Variants in PTPN9 observed in about 807,000 individuals in gnomAD.
PTPN9 encodes protein tyrosine phosphatase non-receptor type 9.
PTPN9 carries 26 observed loss-of-function variants against 69.8 expected under a neutral mutation model. That is an observed-to-expected ratio of 0.37 (90% CI 0.27 to 0.52). PTPN9 has a LOEUF of 0.52. Ranked by LOEUF, PTPN9 falls within the 20% of genes least tolerant of loss-of-function variation. The pLI, the probability that PTPN9 is intolerant of heterozygous loss-of-function variation, is 0.91. For synonymous variants in PTPN9, 274 were observed against 272.5 expected (o/e 1.01, Z -0.05); for missense variants, 549 against 740.3 (o/e 0.74, Z 3.00).
chr15:75,470,957 A>G, intron 10 of PTPN9, 127 bp from the exon 11 acceptor site: 1 of 1,145,320 alleles, frequency 8.7e-7, no homozygotes, highest in East Asian at 2.4e-5. Flanking sequence ...AACTTACACC[A>G]TTGATTCTCA....
Position 75,524,227 on chromosome 15 carries a change from A to C in PTPN9, c.279T>G (p.Ser93Arg). 1 of 1,609,610 alleles carries C rather than the reference A, an allele frequency of 6.2e-7. No individual in the cohort carries two copies. Among genetic ancestry groups the C allele is most frequent in the African/African-American group, 1.3e-5 (1 of 74,886 alleles). Reference sequence around the variant, plus strand: ...CACTCACTAAGATGGTGAATTTTCCACTGAGGATCTCAGAACGAAGAGGTT... The same window carrying C: ...CACTCACTAAGATGGTGAATTTTCCCCTGAGGATCTCAGAACGAAGAGGTT... ...HEEPLRSEIL[S>R]GKFTILNVRD... The change falls in exon 3 of 13, where the codon AGT (serine) becomes AGG (arginine). Residue 93 changes from serine (S) to arginine (R), a missense_variant. Around this residue, in one of 3 missense-constraint regions of PTPN9, gnomAD observed 457 missense variants for 661.9 expected, o/e 0.69. Coordinates refer to ENST00000618819, the MANE Select transcript of PTPN9 (RefSeq NM_002833.4).
chr15:75,577,904 T>C (rs2075181038), intron 1 of PTPN9, among the ~76,000 whole-genome samples: 1 of 152,160 alleles, frequency 6.6e-6, no homozygotes, highest in Non-Finnish European at 1.5e-5. Context: ...GACCTTCCCA[T>C]CTTCCTCAGG....
At chr15:75,530,004 C>G (rs2141323726) in intron 1 of PTPN9, among the ~76,000 whole-genome samples, 1 of 151,722 alleles carries the variant, frequency 6.6e-6, no homozygotes, top group Non-Finnish European at 1.5e-5. Flanking sequence ...GAGCTCGAGA[C>G]CAGCCTGGCC....
chr15:75,558,131 C>T (rs1361337185), intron 1 of PTPN9, among the ~76,000 whole-genome samples: 1 of 152,184 alleles, frequency 6.6e-6, no homozygotes, highest in South Asian at 2.1e-4. Context: ...AAATCAAGAC[C>T]ATCCTGGCCA....
intron 10 of PTPN9, among the ~76,000 whole-genome samples, chr15:75,471,562 C>T (rs2074565364): frequency 7.0e-6 from 1 of 143,036 alleles, no homozygotes; most frequent in African/African-American, 2.7e-5. Context: ...GAGATGGCAC[C>T]ACTGCACTCC....
intron 1 of PTPN9, among the ~76,000 whole-genome samples, chr15:75,537,351 C>CAA (rs1314961729): frequency 1.3e-4 from 4 of 29,818 alleles, no homozygotes; most frequent in Admixed American, 3.9e-4. Flanking sequence ...GACTCCGTCT[C>CAA]AAAAAAAAAA....
chr15:75,577,690 T>C (rs1407196981), intron 1 of PTPN9, among the ~76,000 whole-genome samples: 1 of 152,266 alleles, frequency 6.6e-6, no homozygotes, highest in Non-Finnish European at 1.5e-5. Context: ...CTAGCAAATG[T>C]GGTCCTTGGA....
At chr15:75,520,470 A>G (rs2074897254) in intron 4 of PTPN9, among the ~76,000 whole-genome samples, 1 of 141,314 alleles carries the variant, frequency 7.1e-6, no homozygotes, top group South Asian at 2.5e-4. Context: ...AGATAGATAG[A>G]TAGATAGATA....
At position 75,473,919 on chromosome 15, in the gene PTPN9, C is replaced by T. The variant is rs576496151; in HGVS notation, c.1130-152G>A. 1,468 of 626,214 alleles carry T rather than the reference C, an allele frequency of 2.3e-3. 7 individuals carry two copies. The highest frequency in any genetic ancestry group is 4.2e-3 in the Admixed American group (150 of 35,328). The allele number at this position is 626,214 out of a possible 1,614,324, so 38.8% of individuals were successfully genotyped here. A position where few individuals can be genotyped will look rare whatever the true frequency, so the allele number is the denominator to read the frequency against. ...CACATCCCTGCTATTCAGTATAGTC[C>T]GTGGACCAATCACACCAGCATCGTA... On this transcript the variant is annotated intron_variant, in intron 9 of 12. Coordinates refer to ENST00000618819, the MANE Select transcript of PTPN9 (RefSeq NM_002833.4).
At chr15:75,530,415 T>A (rs1363151980) in intron 1 of PTPN9, among the ~76,000 whole-genome samples, 1 of 107,740 alleles carries the variant, frequency 9.3e-6, no homozygotes, top group Non-Finnish European at 1.7e-5. Flanking sequence ...ATTATATTAT[T>A]ATATATTATA....
At chr15:75,573,836 T>G (rs1595974205) in intron 1 of PTPN9, among the ~76,000 whole-genome samples, 1 of 152,228 alleles carries the variant, frequency 6.6e-6, no homozygotes, top group Non-Finnish European at 1.5e-5. Flanking sequence ...GTGATGTGAA[T>G]GACAGGTAAA....
rs200988084 is a variant in PTPN9, at chr15:75,567,995, C to CAA, written c.63+10717_63+10718dup. Among the ~76,000 whole-genome samples the CAA allele has an allele frequency of 1.5e-3, 146 of 96,018 alleles. 1 individual carries two copies. The highest frequency in any genetic ancestry group is 1.5e-3 in the Non-Finnish European group (75 of 49,336). The allele number at this position is 96,018 out of a possible 152,430, so 63.0% of individuals were successfully genotyped here. A position where few individuals can be genotyped will look rare whatever the true frequency, so the allele number is the denominator to read the frequency against. The stretch of plus-strand genomic sequence containing the variant: ...TGGGCGACACAGCGAGACTCCGTCT[C>CAA]AAAAAAAAAAAAAAAGAAAACAAAA... On this transcript the variant is annotated intron_variant, in intron 1 of 12. Transcript: ENST00000618819.
intron 6 of PTPN9, 116 bp downstream of exon 6, chr15:75,508,801 A>T: frequency 1.4e-6 from 1 of 710,156 alleles, no homozygotes; most frequent in East Asian, 2.7e-5. Context: ...GCACTAACAG[A>T]AGCAGAACAG....
At position 75,517,270 on chromosome 15, in the gene PTPN9, T is replaced by G. The variant is rs1474062695; in HGVS notation, c.517A>C (p.Asn173His). Residue 173 changes from asparagine (N) to histidine (H), a missense_variant, in exon 5 of 13, where the codon AAC (asparagine) becomes CAC (histidine). Asn to His is a moderately conservative substitution (Grantham distance 68). Transcript: ENST00000618819. ...CTCCATAGCCTTACCTTCAGCAGGT[T>G]TAGGACTTTCTTGCCAAGATCCAGC... ...FELDLGKKVL[N>H]LLKGAFPARL... 1 of 1,612,890 alleles carries G rather than the reference T, an allele frequency of 6.2e-7. No individual in the cohort carries two copies.
chr15:75,471,159 G>A (rs1276418292), intron 10 of PTPN9, among the ~76,000 whole-genome samples: 1 of 152,144 alleles, frequency 6.6e-6, no homozygotes, highest in Non-Finnish European at 1.5e-5. Context: ...ATAGTAGCTG[G>A]GTATAGTGGT....
chr15:75,493,613 A>C (rs2074723261), intron 7 of PTPN9, among the ~76,000 whole-genome samples: 1 of 152,014 alleles, frequency 6.6e-6, no homozygotes, highest in Non-Finnish European at 1.5e-5. Context: ...TACAAAAATC[A>C]GCAGGGCATG....
At chr15:75,556,444 C>T (rs1240422559) in intron 1 of PTPN9, among the ~76,000 whole-genome samples, 1 of 151,842 alleles carries the variant, frequency 6.6e-6, no homozygotes. Context: ...GTGGCACAAT[C>T]TCGGCTCACT....
intron 1 of PTPN9, among the ~76,000 whole-genome samples, chr15:75,566,965 C>A (rs116940507): frequency 6.6e-6 from 1 of 151,782 alleles, no homozygotes; most frequent in African/African-American, 2.4e-5. Flanking sequence ...ATTCCAGCCT[C>A]GGCAACAGAA....
At chr15:75,517,463 C>T (rs1234787758) in intron 4 of PTPN9, 99 bp from the exon 5 acceptor site, 5 of 820,118 alleles carry the variant, frequency 6.1e-6, no homozygotes, top group Non-Finnish European at 7.8e-6. Context: ...GTATGAGACA[C>T]ATCTAGGATC....
Sources: gnomAD v4.1 joint callset for allele counts (sites outside exome capture counted in the v4.1 genomes callset) on GRCh38, gnomAD v4.1.1 for gene constraint, gnomAD v4.1.1 regional missense constraint, MANE v1.5 for transcripts, NCBI Gene and HGNC (gene_info 2026-07-23, HGNC 2026-07-21) for gene names.